The following KIF1B variants were observed in gnomAD, a reference collection of about 807,000 sequenced individuals.
The protein encoded by KIF1B is kinesin-like protein KIF1B.
A neutral mutation model predicts 241.9 loss-of-function variants in KIF1B; 76 were observed. The observed-to-expected ratio is 0.31, with a 90% CI of 0.26 to 0.38. The LOEUF (loss-of-function observed/expected upper bound fraction) is 0.38. KIF1B is among the 10% of genes least tolerant of loss of function. The pLI is 1.00. For missense variants in KIF1B, 1,622 were observed against 2,271.4 expected, an observed-to-expected ratio of 0.71 and a Z score of 5.81; for synonymous variants, 750 against 796.7, an observed-to-expected ratio of 0.94 and a Z score of 0.99.
At chr1:10,304,626 T>C (rs1395235460) in intron 22 of KIF1B, 2 of 1,613,986 alleles carry the variant, frequency 1.2e-6, no homozygotes, top group East Asian at 2.2e-5. Flanking sequence ...ATCTCAAAGC[T>C]GGTCGAGAAA....
At chr1:10,314,542 C>T (rs1158050732) in intron 22 of KIF1B, among the ~76,000 whole-genome samples, 1 of 151,376 alleles carries the variant, frequency 6.6e-6, no homozygotes, top group Non-Finnish European at 1.5e-5. Flanking sequence ...ACCTTAGCGT[C>T]CCGAGTAACT....
intron 1 of KIF1B, among the ~76,000 whole-genome samples, chr1:10,232,019 CTG>C (rs1370301206): frequency 2.0e-5 from 3 of 152,060 alleles, no homozygotes; most frequent in African/African-American, 7.2e-5. Context: ...ACTTGGGAGA[CTG>C]AGGCAGGAGG....
Position 10,303,937 on chromosome 1 carries a change from C to A in KIF1B, c.2115+6691C>A, listed in dbSNP as rs1378385943. 10 of 1,614,158 alleles carry A rather than the reference C, an allele frequency of 6.2e-6. No homozygotes were observed. Among genetic ancestry groups the A allele is most frequent in the Non-Finnish European group, 8.5e-6 (10 of 1,180,036 alleles). On this transcript the variant is annotated intron_variant, in intron 22 of 48. Coordinates refer to ENST00000676179, the MANE Select transcript of KIF1B (RefSeq NM_001365951.3). The surrounding 1 kb of genome is among the most constrained non-coding windows in gnomAD (Gnocchi z 5.2). ...TGGGGATCCAGCTTTTAGACGTGGA[C>A]GTCTGCGCTGGATGAGGCAAGAGCA...
At chr1:10,348,527 C>T (rs1652669845) in intron 36 of KIF1B, 122 bp from the exon 37 acceptor site, 10 of 744,762 alleles carry the variant, frequency 1.3e-5, no homozygotes, top group Admixed American at 4.0e-5. Flanking sequence ...TAGCATTTTC[C>T]GTCTTTCCAC....
At chr1:10,256,374 T>C in intron 3 of KIF1B, 51 bp downstream of exon 3, 1 of 1,256,840 alleles carries the variant, frequency 8.0e-7, no homozygotes, top group South Asian at 1.2e-5. Context: ...CTTTCCTCTT[T>C]CCTTGCCGAT....
At chr1:10,346,198 G>C (rs990741957) in intron 35 of KIF1B, among the ~76,000 whole-genome samples, 2 of 152,106 alleles carry the variant, frequency 1.3e-5, no homozygotes, top group African/African-American at 4.8e-5. Flanking sequence ...TTACAGGCAT[G>C]AGCCACCACA....
Position 10,374,448 on chromosome 1 carries a change from T to C in KIF1B, c.5079T>C (p.Ile1693=), listed in dbSNP as rs752044197. The change falls in exon 46 of 49, where the codon ATT becomes ATC. Residue 1693 remains isoleucine, a synonymous_variant. Transcript: ENST00000676179. This position sits in a 1 kb window ranked among gnomAD's most constrained non-coding sequence, Gnocchi z 4.3. Reference sequence around the variant, plus strand: ...AATTTCTCAATCTTGTTCCAGATATTGAAGAAATTAGACCAAGGTGAGTAC... The same window carrying C: ...AATTTCTCAATCTTGTTCCAGATATCGAAGAAATTAGACCAAGGTGAGTAC... ...KNEFLNLVPD[I]EEIRPSSVVS... The C allele has an allele frequency of 2.5e-6, 4 of 1,614,152 alleles. No individual in the cohort carries two copies. Among genetic ancestry groups the C allele is most frequent in the Non-Finnish European group, 3.4e-6 (4 of 1,180,032 alleles).
Position 10,278,040 on chromosome 1 carries a change from C to T in KIF1B, c.1092C>T (p.Pro364=). ...GCAATGCTGTTATCAATGAGGACCC[C>T]AATGCCAAACTGGTTCGTGAATTAA... ...IKCNAVINED[P]NAKLVRELKE... is the part of the protein sequence containing the mutation. Residue 364 remains proline, a synonymous_variant, in exon 13 of 49, where the codon CCC becomes CCT. Coordinates refer to ENST00000676179, the MANE Select transcript of KIF1B (RefSeq NM_001365951.3). The T allele has an allele frequency of 1.2e-6, 2 of 1,613,938 alleles. No individual in the cohort carries two copies. Among genetic ancestry groups the T allele is most frequent in the Non-Finnish European group, 1.7e-6 (2 of 1,179,906 alleles).
chr1:10,267,268 T>C, intron 5 of KIF1B, 112 bp from the exon 6 acceptor site: 1 of 819,432 alleles, frequency 1.2e-6, no homozygotes, highest in African/African-American at 1.7e-5. Flanking sequence ...TCTCAAGTGA[T>C]CCGCCCTCCT....
chr1:10,217,488 T>A (rs1012592362), intron 1 of KIF1B, among the ~76,000 whole-genome samples: 3 of 151,842 alleles, frequency 2.0e-5, no homozygotes, highest in African/African-American at 7.3e-5. Flanking sequence ...CAGCTAATTT[T>A]GTATTTTTAG....
At chr1:10,211,325 G>A (rs1188702307) in intron 1 of KIF1B, among the ~76,000 whole-genome samples, 1 of 152,234 alleles carries the variant, frequency 6.6e-6, no homozygotes, top group African/African-American at 2.4e-5. Flanking sequence ...TATGCCCTTT[G>A]CCAGATGGCG....
At chr1:10,229,328 T>C (rs1003361416) in intron 1 of KIF1B, among the ~76,000 whole-genome samples, 1 of 151,720 alleles carries the variant, frequency 6.6e-6, no homozygotes, top group African/African-American at 2.4e-5. Flanking sequence ...AAAAAATCAG[T>C]AAACTAGGCA....
Position 10,315,289 on chromosome 1 carries a change from C to T in KIF1B, c.2116-4754C>T, listed in dbSNP as rs573222436. On this transcript the variant is annotated intron_variant, in intron 22 of 48. Transcript: ENST00000676179. ...ACCTCCCGGGTTGAAGTGATTCTCC[C>T]GCCTCAGCCTCCCAAGTAGCTGGGA... is the stretch of plus-strand genomic sequence containing the variant. Among the ~76,000 whole-genome samples the T allele has an allele frequency of 7.3e-5, 11 of 150,010 alleles. No homozygotes were observed. In the East Asian group the frequency reaches 1.6e-3, roughly 21 times the overall value.
intron 28 of KIF1B, among the ~76,000 whole-genome samples, chr1:10,336,116 C>G (rs1652163442): frequency 6.6e-6 from 1 of 152,184 alleles, no homozygotes; most frequent in Non-Finnish European, 1.5e-5. Flanking sequence ...GTCAGGATTT[C>G]TAGGTATGAC....
intron 17 of KIF1B, among the ~76,000 whole-genome samples, chr1:10,294,319 A>G (rs931472986): frequency 3.3e-5 from 5 of 152,218 alleles, no homozygotes; most frequent in Non-Finnish European, 5.9e-5. Flanking sequence ...TCTTTAAGGT[A>G]AAGACTAATA....
intron 1 of KIF1B, among the ~76,000 whole-genome samples, chr1:10,229,079 T>C (rs942983454): frequency 6.6e-6 from 1 of 152,174 alleles, no homozygotes; most frequent in African/African-American, 2.4e-5. Context: ...ATGTCTTGCT[T>C]TTTCTGAATG....
intron 37 of KIF1B, among the ~76,000 whole-genome samples, chr1:10,352,160 A>T (rs1202887388): frequency 4.7e-5 from 7 of 148,108 alleles, no homozygotes; most frequent in Non-Finnish European, 1.0e-4. Flanking sequence ...GTTAGGTGAG[A>T]GTGGAATGGA....
intron 15 of KIF1B, among the ~76,000 whole-genome samples, chr1:10,288,496 G>T (rs1167491806): frequency 6.6e-6 from 1 of 152,172 alleles, no homozygotes; most frequent in African/African-American, 2.4e-5. Flanking sequence ...GCCTCTGTGT[G>T]TGTTCTGAAG....
At chr1:10,320,698 A>C (rs1485764503) in intron 23 of KIF1B, among the ~76,000 whole-genome samples, 1 of 149,642 alleles carries the variant, frequency 6.7e-6, no homozygotes, top group Non-Finnish European at 1.5e-5. Flanking sequence ...GGAACTCTTA[A>C]TTTATGTATT....
Sources: allele counts gnomAD v4.1 joint callset (sites outside exome capture counted in the v4.1 genomes callset), GRCh38; gene constraint gnomAD v4.1.1; non-coding constraint Gnocchi (gnomAD v3.1); transcripts MANE v1.5; gene names NCBI Gene and HGNC (gene_info 2026-07-23, HGNC 2026-07-21).